The following RGS6 variants were observed in gnomAD, a reference collection of about 807,000 sequenced individuals.
The protein encoded by RGS6 is regulator of G-protein signaling 6.
In RGS6, 30 loss-of-function variants were observed where a neutral mutation model predicts 78.5. The observed-to-expected ratio is 0.38, with a 90% confidence interval of 0.29 to 0.52. The LOEUF (loss-of-function observed/expected upper bound fraction) is 0.52, where lower values mean the gene tolerates loss of function less well. Ranked by LOEUF, RGS6 falls within the 20% of genes least tolerant of loss-of-function variation. The pLI is 0.85. For synonymous variants in RGS6, 206 were observed against 206.0 expected (o/e 1.00, Z 0.00); for missense variants, 495 against 609.7 (o/e 0.81, Z 1.98).
At chr14:71,940,347 G>A (rs1357183382) in intron 1 of RGS6, among the ~76,000 whole-genome samples, 1 of 152,166 alleles carries the variant, frequency 6.6e-6, no homozygotes, top group Non-Finnish European at 1.5e-5. Flanking sequence ...CCTCCCCTTT[G>A]TCCAAAGGGT....
intron 2 of RGS6, among the ~76,000 whole-genome samples, chr14:72,035,754 G>A (rs746529720): frequency 6.6e-6 from 1 of 152,064 alleles, no homozygotes; most frequent in East Asian, 1.9e-4. Flanking sequence ...TTTCCAAAGA[G>A]CATTTTGGGA....
chr14:72,130,113 C>T (rs973221450), intron 2 of RGS6, among the ~76,000 whole-genome samples: 14 of 152,132 alleles, frequency 9.2e-5, no homozygotes, highest in African/African-American at 3.1e-4. Context: ...TAGAATGACT[C>T]ACAGAACTAA....
At chr14:72,531,024 A>C (rs1010365578) in intron 15 of RGS6, among the ~76,000 whole-genome samples, 3 of 152,242 alleles carry the variant, frequency 2.0e-5, no homozygotes, top group Admixed American at 6.5e-5. Context: ...GCACTTAAAC[A>C]AGAGTGAGCT....
At chr14:72,536,097 T>A in intron 15 of RGS6, 89 bp from the exon 16 acceptor site, 1 of 1,038,572 alleles carries the variant, frequency 9.6e-7, no homozygotes, top group Non-Finnish European at 1.5e-6. Context: ...TTCATCTCCT[T>A]CCCCAAAACA....
intron 2 of RGS6, among the ~76,000 whole-genome samples, chr14:72,050,051 G>A (rs2093130995): frequency 6.6e-6 from 1 of 152,042 alleles, no homozygotes; most frequent in Non-Finnish European, 1.5e-5. Context: ...CAGTAAACTT[G>A]TCTCTATGTC....
chr14:72,510,397 G>A (rs2096864201), intron 14 of RGS6, 118 bp downstream of exon 14: 2 of 1,299,156 alleles, frequency 1.5e-6, no homozygotes, highest in Non-Finnish European at 2.2e-6. Flanking sequence ...TCAAATGCCA[G>A]CTAATCTGGC....
At chr14:72,190,006 C>T (rs181438332) in intron 2 of RGS6, among the ~76,000 whole-genome samples, 2 of 152,288 alleles carry the variant, frequency 1.3e-5, no homozygotes, top group Admixed American at 1.3e-4. Flanking sequence ...CCTTTTTAAA[C>T]CCTCAGTTTC....
chr14:72,135,218 G>C (rs561017950), intron 2 of RGS6, among the ~76,000 whole-genome samples: 33 of 152,262 alleles, frequency 2.2e-4, no homozygotes, highest in African/African-American at 7.5e-4. Flanking sequence ...TCTCTGAATG[G>C]CATTTAACAC....
intron 2 of RGS6, among the ~76,000 whole-genome samples, chr14:72,318,851 G>A (rs1306775025): frequency 6.6e-6 from 1 of 152,202 alleles, no homozygotes; most frequent in Non-Finnish European, 1.5e-5. Context: ...CATCCTGTGT[G>A]TATAGGAAGC....
At chr14:72,381,100 T>C (rs2085960688) in intron 3 of RGS6, among the ~76,000 whole-genome samples, 1 of 152,032 alleles carries the variant, frequency 6.6e-6, no homozygotes, top group South Asian at 2.1e-4. Context: ...CACTCATATG[T>C]GGAAGCTAAA....
At chr14:72,555,206 G>A (rs948793212) in intron 17 of RGS6, among the ~76,000 whole-genome samples, 5 of 152,186 alleles carry the variant, frequency 3.3e-5, no homozygotes, top group Non-Finnish European at 7.3e-5. Flanking sequence ...TGGGGCATTT[G>A]CCATGTGTGT....
intron 2 of RGS6, among the ~76,000 whole-genome samples, chr14:72,332,428 G>A (rs1437820039): frequency 6.6e-6 from 1 of 152,226 alleles, no homozygotes; most frequent in African/African-American, 2.4e-5. Flanking sequence ...AAAAGGGAAA[G>A]CAGTGAGATG....
chr14:72,100,418 C>G (rs2095503776), intron 2 of RGS6, among the ~76,000 whole-genome samples: 1 of 152,100 alleles, frequency 6.6e-6, no homozygotes, highest in Non-Finnish European at 1.5e-5. Context: ...TCGCTTGAAC[C>G]TGGGAGGCAG....
Position 72,541,492 on chromosome 14 carries a change from C to T in RGS6, c.1422+1398C>T, listed in dbSNP as rs868792549. 33 of 1,535,696 alleles carry T rather than the reference C, an allele frequency of 2.1e-5. No individual in the cohort carries two copies. The Admixed American group carries it at 3.7e-4, about 17-fold the overall frequency. ...CAGAATGTGCAGAACACAAGGCCTG[C>T]GGGTGCCTGGTCTATCTTCATGGCT... is the stretch of plus-strand genomic sequence containing the variant. On this transcript the variant is annotated intron_variant, in intron 17 of 17. Coordinates refer to ENST00000553525, the MANE Select transcript of RGS6 (RefSeq NM_001204424.2).
At chr14:72,347,107 A>C (rs1405154627) in intron 2 of RGS6, among the ~76,000 whole-genome samples, 1 of 152,168 alleles carries the variant, frequency 6.6e-6, no homozygotes, top group African/African-American at 2.4e-5. Flanking sequence ...CTGCTTATTG[A>C]TTGGCACAGT....
chr14:72,020,484 A>G (rs1258099859), intron 2 of RGS6, among the ~76,000 whole-genome samples: 1 of 152,160 alleles, frequency 6.6e-6, no homozygotes, highest in African/African-American at 2.4e-5. Flanking sequence ...TGTGACCTTC[A>G]TGGTGGGCAC....
intron 1 of RGS6, among the ~76,000 whole-genome samples, chr14:71,936,030 A>ATATATATATATATG (rs1555390437): frequency 2.3e-5 from 3 of 133,220 alleles, no homozygotes; most frequent in African/African-American, 8.0e-5. Context: ...ATATATATAT[A>ATATATATATATATG]TATATATATA....
intron 1 of RGS6, among the ~76,000 whole-genome samples, chr14:71,942,899 A>G (rs1047900882): frequency 6.6e-6 from 1 of 152,252 alleles, no homozygotes; most frequent in Non-Finnish European, 1.5e-5. Context: ...ATGCAAATGA[A>G]TTGTCTTAGA....
intron 2 of RGS6, among the ~76,000 whole-genome samples, chr14:72,204,564 C>T (rs2042297973): frequency 6.6e-6 from 1 of 152,200 alleles, no homozygotes. Context: ...TCTCACAGTT[C>T]TAGAGGCTGG....
Sources: allele counts gnomAD v4.1 joint callset (sites outside exome capture counted in the v4.1 genomes callset), GRCh38; gene constraint gnomAD v4.1.1; transcripts MANE v1.5; gene names NCBI Gene and HGNC (gene_info 2026-07-23, HGNC 2026-07-21).